The following CCSER1 variants were observed in gnomAD, a reference collection of about 807,000 sequenced individuals.
CCSER1 encodes the protein coiled-coil serine rich protein 1.
CCSER1 carries 41 observed loss-of-function variants against 82.0 expected under a neutral mutation model. The observed-to-expected ratio is 0.50, with a 90% CI of 0.39 to 0.65. The LOEUF (loss-of-function observed/expected upper bound fraction) is 0.65, where lower values mean the gene tolerates loss of function less well. CCSER1 is among the 30% of genes least tolerant of loss of function. The probability of loss-of-function intolerance (pLI) is 0.00; values close to 1 mark genes in which losing one functional copy is unlikely to be tolerated. For synonymous variants in CCSER1, 414 were observed against 383.9 expected, an observed-to-expected ratio of 1.08 and a Z score of -0.92; for missense variants, 1,119 against 1,064.2, an observed-to-expected ratio of 1.05 and a Z score of -0.72.
intron 5 of CCSER1, among the ~76,000 whole-genome samples, chr4:90,479,929 C>T (rs544904325): frequency 4.7e-4 from 71 of 152,278 alleles, no homozygotes; most frequent in African/African-American, 1.5e-3. Context: ...ATTTCTAGTT[C>T]CAGATCCCTG....
chr4:90,860,346 GA>G (rs1169326072), intron 8 of CCSER1, among the ~76,000 whole-genome samples: 1 of 150,476 alleles, frequency 6.6e-6, no homozygotes, highest in African/African-American at 2.5e-5. Flanking sequence ...CAGAAAGACA[GA>G]AAATAAAAAA....
chr4:90,382,437 A>G (rs528459338), intron 3 of CCSER1, among the ~76,000 whole-genome samples: 5 of 152,240 alleles, frequency 3.3e-5, no homozygotes, highest in African/African-American at 1.2e-4. Flanking sequence ...TAAGCACTAA[A>G]GAAATTCCTC....
At chr4:90,340,271 C>T (rs1741155615) in intron 3 of CCSER1, among the ~76,000 whole-genome samples, 2 of 152,136 alleles carry the variant, frequency 1.3e-5, no homozygotes, top group South Asian at 4.1e-4. Context: ...CATCCTAGTG[C>T]ATGTTGCAAG....
chr4:91,187,030 G>T lies in CCSER1; in HGVS notation c.2217+101036G>T, dbSNP rs182351873. On this transcript the variant is annotated intron_variant, in intron 10 of 10. Transcript: ENST00000509176. ...TTTGGGGGGCCTGCTCCCAACAGGA[G>T]TGTCCTGATTTTCCAGGTAGCATCT... Among the ~76,000 whole-genome samples the T allele has an allele frequency of 3.3e-3, 508 of 152,344 alleles. 2 individuals carry two copies. The highest frequency in any genetic ancestry group is 5.4e-3 in the Non-Finnish European group (368 of 68,036).
chr4:90,982,953 G>A (rs762627264), intron 9 of CCSER1, among the ~76,000 whole-genome samples: 7 of 151,788 alleles, frequency 4.6e-5, no homozygotes, highest in Non-Finnish European at 1.0e-4. Context: ...ACGATTGATA[G>A]TTATAGTAGT....
At chr4:90,322,478 A>C (rs1472827207) in intron 3 of CCSER1, among the ~76,000 whole-genome samples, 1 of 152,156 alleles carries the variant, frequency 6.6e-6, no homozygotes, top group East Asian at 1.9e-4. Flanking sequence ...TTGAATTGTT[A>C]CATCAAAATT....
chr4:90,670,619 C>G (rs1732618311), intron 6 of CCSER1, among the ~76,000 whole-genome samples: 1 of 152,070 alleles, frequency 6.6e-6, no homozygotes, highest in Admixed American at 6.6e-5. Flanking sequence ...GCAGCCAACA[C>G]TCACAGCAGC....
At chr4:91,332,487 C>T (rs1378930149) in intron 10 of CCSER1, among the ~76,000 whole-genome samples, 2 of 151,522 alleles carry the variant, frequency 1.3e-5, no homozygotes, top group Non-Finnish European at 2.9e-5. Flanking sequence ...TCTAACAATG[C>T]TATAATTATC....
intron 1 of CCSER1, among the ~76,000 whole-genome samples, chr4:90,269,417 G>A (rs1221771426): frequency 1.3e-5 from 2 of 151,990 alleles, no homozygotes; most frequent in Admixed American, 6.6e-5. Flanking sequence ...AACTTAAATA[G>A]TTTGTTTCTG....
intron 10 of CCSER1, among the ~76,000 whole-genome samples, chr4:91,348,668 G>A (rs952861993): frequency 5.9e-5 from 9 of 152,134 alleles, no homozygotes; most frequent in African/African-American, 1.4e-4. Flanking sequence ...TCTGATGTGA[G>A]TTTTGGTAGA....
At chr4:91,453,974 T>C (rs1229166539) in intron 10 of CCSER1, among the ~76,000 whole-genome samples, 1 of 152,070 alleles carries the variant, frequency 6.6e-6, no homozygotes, top group African/African-American at 2.4e-5. Context: ...GTCTCACAGA[T>C]GTCAACAGGA....
At chr4:90,257,856 C>T (rs1259129424) in intron 1 of CCSER1, among the ~76,000 whole-genome samples, 1 of 152,064 alleles carries the variant, frequency 6.6e-6, no homozygotes, top group Non-Finnish European at 1.5e-5. Context: ...TCTATTCAGG[C>T]CATCAAGGGA....
intron 8 of CCSER1, among the ~76,000 whole-genome samples, chr4:90,876,460 C>T (rs1385975207): frequency 1.3e-5 from 2 of 152,070 alleles, no homozygotes; most frequent in East Asian, 3.9e-4. Flanking sequence ...AGGTTAATAA[C>T]ATGATATTTT....
intron 9 of CCSER1, among the ~76,000 whole-genome samples, chr4:91,068,843 C>A (rs763405799): frequency 1.3e-5 from 2 of 152,094 alleles, no homozygotes; most frequent in African/African-American, 4.8e-5. Flanking sequence ...TAGTTGAAAT[C>A]GTTTAGGTAA....
intron 10 of CCSER1, among the ~76,000 whole-genome samples, chr4:91,486,855 T>C (rs1476951046): frequency 1.3e-5 from 2 of 152,096 alleles, no homozygotes; most frequent in Admixed American, 1.3e-4. Context: ...CTGCTAGTTA[T>C]AGATATTTTT....
At chr4:91,377,580 A>C (rs181155528) in intron 10 of CCSER1, among the ~76,000 whole-genome samples, 1 of 152,166 alleles carries the variant, frequency 6.6e-6, no homozygotes, top group Admixed American at 6.6e-5. Flanking sequence ...TCCTTTGCCC[A>C]CGTTTTGATG....
intron 6 of CCSER1, among the ~76,000 whole-genome samples, chr4:90,648,353 CAAG>C (rs1178921853): frequency 1.5e-5 from 2 of 131,050 alleles, no homozygotes; most frequent in African/African-American, 5.6e-5. Context: ...GAGTTGCCCT[CAAG>C]AAAGAAGTAT....
At chr4:90,648,284 G>GGAAAGAAAGAAAGGAAA (rs1728004104) in intron 6 of CCSER1, among the ~76,000 whole-genome samples, 3 of 89,956 alleles carry the variant, frequency 3.3e-5, no homozygotes, top group African/African-American at 8.4e-5. Context: ...GAGAAAGAAA[G>GGAAAGAAAGAAAGGAAA]GAAAGAAAGA....
At chr4:90,720,079 G>A (rs1253687286) in intron 6 of CCSER1, among the ~76,000 whole-genome samples, 1 of 152,092 alleles carries the variant, frequency 6.6e-6, no homozygotes, top group East Asian at 1.9e-4. Flanking sequence ...TGTTCGAATT[G>A]TTCCAGCTTT....
Sources: gnomAD v4.1 joint callset for allele counts (sites outside exome capture counted in the v4.1 genomes callset) on GRCh38, gnomAD v4.1.1 for gene constraint, MANE v1.5 for transcripts, NCBI Gene and HGNC (gene_info 2026-07-23, HGNC 2026-07-21) for gene names.